Variants in RIOK2 observed in about 807,000 individuals in gnomAD.
RIOK2 encodes RIO kinase 2, also known as serine/threonine-protein kinase RIO2.
Under a neutral mutation model 62.4 loss-of-function variants are expected in RIOK2, and 46 were observed. The observed-to-expected ratio is 0.74, with a 90% CI of 0.58 to 0.94. RIOK2 has a LOEUF of 0.94. RIOK2 is among the 40% of genes least tolerant of loss of function. The pLI is 0.00. For synonymous variants in RIOK2, 197 were observed against 216.0 expected (o/e 0.91, Z 0.77); for missense variants, 574 against 658.0 (o/e 0.87, Z 1.40).
In RIOK2 at chr5:97,182,494, A is replaced by G. The variant is rs1749440347; in HGVS notation, c.66+632T>C. Reference sequence around the variant, plus strand: ...CCCCATTCATTCTTTCATTTAGTGAATATTTATTGATTGTCTACCAAAGGC... The same window carrying G: ...CCCCATTCATTCTTTCATTTAGTGAGTATTTATTGATTGTCTACCAAAGGC... On this transcript the variant is annotated intron_variant, in intron 1 of 9. Coordinates refer to ENST00000283109, the MANE Select transcript of RIOK2 (RefSeq NM_018343.3). Among the ~76,000 whole-genome samples the G allele has an allele frequency of 2.0e-5, 3 of 152,322 alleles. No individual in the cohort carries two copies. In the South Asian group the frequency reaches 6.2e-4, roughly 32 times the overall value.
rs186671972 is a variant in RIOK2, at chr5:97,171,452, C to T, written c.588-55G>A. The T allele has an allele frequency of 4.1e-4, 528 of 1,298,402 alleles. 3 individuals carry two copies. The African/African-American group carries it at 7.1e-3, about 18-fold the overall frequency. 80.4% of individuals were successfully genotyped at this position (1,298,402 alleles called of 1,614,324 possible). A position where few individuals can be genotyped will look rare whatever the true frequency, so the allele number is the denominator to read the frequency against. ...TACTTGTGTTCATTTACGGTTTTAA[C>T]GAAAGTATGTATGCATGTGAACATA... On this transcript the variant is annotated intron_variant, in intron 5 of 9. Transcript: ENST00000283109.
chr5:97,167,822 A>G lies in RIOK2; in HGVS notation c.1042T>C (p.Tyr348His). ...CGTTCACTTTCATTTTCTGACCCGT[A>G]AACCTCTGCTTTTTCTGCCACTTCT... ...DGEVAEKAEV[Y>H]GSENESERNC... Residue 348 changes from tyrosine to histidine, a missense_variant, in exon 8 of 10, where the codon TAC becomes CAC. By Grantham distance (83) the Tyr-to-His change is moderately conservative. Transcript: ENST00000283109. The G allele has an allele frequency of 6.2e-7, 1 of 1,614,172 alleles. No homozygotes were observed. The highest frequency in any genetic ancestry group is 8.5e-7 in the Non-Finnish European group (1 of 1,180,006).
rs1580265063 is a variant in RIOK2 at position 97,165,040 on chromosome 5, T to C, written c.1494+11A>G. 3 of 1,559,404 alleles carry C rather than the reference T, an allele frequency of 1.9e-6. No homozygotes were observed. In the East Asian group the frequency reaches 6.9e-5, roughly 36 times the overall value. On this transcript the variant is annotated intron_variant, in intron 9 of 9. Transcript: ENST00000283109. The stretch of plus-strand genomic sequence containing the variant: ...TAATAAACATTCAGTACATGTTGAA[T>C]GACTACTTACTGGAGGAATTGTTGA...
chr5:97,181,191 G>C (rs1186738323), intron 1 of RIOK2, among the ~76,000 whole-genome samples: 2 of 149,368 alleles, frequency 1.3e-5, no homozygotes, highest in African/African-American at 2.5e-5. Flanking sequence ...AGAATCGCTT[G>C]AACCCAGAAG....
In RIOK2 at chr5:97,183,149, C is replaced by T. The variant is rs745527787; in HGVS notation, c.43G>A (p.Asp15Asn). ...NVAKLRYMSR[D>N]DFRVLTAVEM... ...ACCGCGGTCAAGACCCTGAAGTCATCTCGGCTCATGTAACGCAACTTGGCC... is the reference window on the plus strand; with the variant it reads ...ACCGCGGTCAAGACCCTGAAGTCATTTCGGCTCATGTAACGCAACTTGGCC... Residue 15 changes from aspartate (D) to asparagine (N), a missense_variant, in exon 1 of 10, where the codon GAT becomes AAT. Coordinates refer to ENST00000283109, the MANE Select transcript of RIOK2 (RefSeq NM_018343.3). 1.2e-6 allele frequency: 2 copies of T among 1,614,138 alleles called. No individual in the cohort carries two copies. The highest frequency in any genetic ancestry group is 8.5e-7 in the Non-Finnish European group (1 of 1,180,006).
chr5:97,180,299 A>C (rs76954898), intron 1 of RIOK2, among the ~76,000 whole-genome samples: 2,607 of 151,220 alleles, frequency 0.017, 84 homozygotes, highest in African/African-American at 0.061. Flanking sequence ...CTTCTAGCTG[A>C]GGGATCAGTT....
intron 6 of RIOK2, among the ~76,000 whole-genome samples, chr5:97,169,096 G>A (rs1748925513): frequency 6.6e-6 from 1 of 152,144 alleles, no homozygotes; most frequent in Non-Finnish European, 1.5e-5. Context: ...GAAAGTCAAG[G>A]TTTTGTCATA....
At chr5:97,174,541 C>T (rs1749110105) in intron 4 of RIOK2, among the ~76,000 whole-genome samples, 1 of 152,058 alleles carries the variant, frequency 6.6e-6, no homozygotes, top group African/African-American at 2.4e-5. Context: ...ATATTCTCTC[C>T]AATACACACC....
At chr5:97,164,579 G>A (rs753326650) in intron 9 of RIOK2, among the ~76,000 whole-genome samples, 2 of 151,874 alleles carry the variant, frequency 1.3e-5, no homozygotes, top group African/African-American at 2.4e-5. Context: ...TAACATGTAC[G>A]TCCAAGTGTC....
chr5:97,183,243 A>T lies in RIOK2; in HGVS notation c.-52T>A. The T allele has an allele frequency of 6.3e-7, 1 of 1,591,880 alleles. No individual in the cohort carries two copies. ...CTCTCCGACGACAGCCGCAAAGCGT[A>T]AGGCAGGTCGTTATTCCAGCCTCTA... On this transcript the variant is annotated 5_prime_UTR_variant, in exon 1 of 10. Transcript: ENST00000283109.
chr5:97,172,853 TTTAG>T (rs2112835879), intron 5 of RIOK2, among the ~76,000 whole-genome samples: 1 of 152,330 alleles, frequency 6.6e-6, no homozygotes, highest in African/African-American at 2.4e-5. Context: ...ATACATTTCC[TTTAG>T]TTATTTATTG....
At chr5:97,168,952 C>A in intron 6 of RIOK2, 100 bp from the exon 7 acceptor site, 1 of 587,366 alleles carries the variant, frequency 1.7e-6, no homozygotes, top group Non-Finnish European at 2.9e-6. Context: ...ATTGCTCCTC[C>A]TTACACAAGG....
chr5:97,175,668 T>A (rs559970096), intron 4 of RIOK2, among the ~76,000 whole-genome samples: 169 of 152,292 alleles, frequency 1.1e-3, no homozygotes, highest in African/African-American at 3.9e-3. Context: ...AAATCTCCCA[T>A]GATTAGTGAA....
intron 5 of RIOK2, among the ~76,000 whole-genome samples, chr5:97,172,145 T>C (rs571568653): frequency 7.9e-5 from 12 of 152,318 alleles, no homozygotes; most frequent in Admixed American, 7.8e-4. Flanking sequence ...TGACCTTTTA[T>C]TTTCTCTTAT....
At chr5:97,166,268 C>G (rs1486272961) in intron 8 of RIOK2, 1 of 454,296 alleles carries the variant, frequency 2.2e-6, no homozygotes, top group East Asian at 7.0e-5. Context: ...ATCACTTACT[C>G]AAAATCCTGA....
chr5:97,182,114 G>T (rs1232163253), intron 1 of RIOK2, among the ~76,000 whole-genome samples: 5 of 61,772 alleles, frequency 8.1e-5, no homozygotes, highest in Non-Finnish European at 1.7e-4. Context: ...AAAAGATAAC[G>T]GCTCCTAAAT....
In RIOK2 at chr5:97,171,356, T is replaced by C; in HGVS notation, c.629A>G (p.Asp210Gly). ...HHVEDPASVY[D>G]EAMELIVKLA... ...TTTGACAATTAGTTCCATAGCTTCA[T>C]CATATACTGATGCAGGATCTTCAAC... The change falls in exon 6 of 10, where the codon GAT becomes GGT. Residue 210 changes from aspartate (D) to glycine (G), a missense_variant. Asp to Gly is a moderately conservative substitution (Grantham distance 94). Transcript: ENST00000283109. 2.5e-6 allele frequency: 4 copies of C among 1,582,326 alleles called. No homozygotes were observed. Among genetic ancestry groups the C allele is most frequent in the Non-Finnish European group, 3.4e-6 (4 of 1,165,312 alleles).
In RIOK2 at chr5:97,171,444, G is replaced by A. The variant is rs758579253; in HGVS notation, c.588-47C>T. On this transcript the variant is annotated intron_variant, in intron 5 of 9. Transcript: ENST00000283109. The stretch of plus-strand genomic sequence containing the variant: ...AAATAGGTTACTTGTGTTCATTTAC[G>A]GTTTTAACGAAAGTATGTATGCATG... 8.1e-6 allele frequency: 11 copies of A among 1,352,232 alleles called. No individual in the cohort carries two copies. The East Asian group carries it at 1.5e-4, about 18-fold the overall frequency. The allele number at this position is 1,352,232 out of a possible 1,614,324, so 83.8% of individuals were successfully genotyped here.
intron 4 of RIOK2, 175 bp downstream of exon 4, chr5:97,176,941 T>A: frequency 1.7e-6 from 1 of 576,774 alleles, no homozygotes; most frequent in Non-Finnish European, 3.0e-6. Flanking sequence ...TAGAAGGAAA[T>A]CACTTAAAAG....
Sources: allele counts gnomAD v4.1 joint callset (sites outside exome capture counted in the v4.1 genomes callset), GRCh38; gene constraint gnomAD v4.1.1; transcripts MANE v1.5; gene names NCBI Gene and HGNC (gene_info 2026-07-23, HGNC 2026-07-21).